Variants in RIMS2 observed in about 807,000 individuals in gnomAD.
RIMS2 encodes regulating synaptic membrane exocytosis protein 2.
Under a neutral mutation model 174.4 loss-of-function variants are expected in RIMS2, and 59 were observed. The observed-to-expected ratio is 0.34, with a 90% CI of 0.27 to 0.42. The LOEUF (loss-of-function observed/expected upper bound fraction) is 0.42. Ranked by LOEUF, RIMS2 falls within the 10% of genes least tolerant of loss-of-function variation. RIMS2 has a pLI of 1.00. For missense variants in RIMS2, 1,620 were observed against 1,666.3 expected, an observed-to-expected ratio of 0.97 and a Z score of 0.48; for synonymous variants, 606 against 572.5, an observed-to-expected ratio of 1.06 and a Z score of -0.84.
chr8:104,120,571 C>T (rs961015156), intron 19 of RIMS2, among the ~76,000 whole-genome samples: 2 of 151,698 alleles, frequency 1.3e-5, no homozygotes, highest in Non-Finnish European at 2.9e-5. Context: ...AACCTGTTAG[C>T]AAAAAAAGTT....
chr8:103,526,666 G>A (rs7824747), intron 1 of RIMS2, among the ~76,000 whole-genome samples: 26,758 of 152,080 alleles, frequency 0.18, 2,556 homozygotes, highest in African/African-American at 0.23. Context: ...CCCATTGAAT[G>A]TATTTAACAG....
chr8:103,796,058 T>C (rs1349166567), intron 3 of RIMS2, among the ~76,000 whole-genome samples: 1 of 152,126 alleles, frequency 6.6e-6, no homozygotes, highest in Non-Finnish European at 1.5e-5. Flanking sequence ...TTTTATAATA[T>C]GTACATATTT....
intron 19 of RIMS2, among the ~76,000 whole-genome samples, chr8:104,067,027 A>T (rs1043301411): frequency 1.3e-5 from 2 of 152,210 alleles, no homozygotes; most frequent in African/African-American, 2.4e-5. Context: ...TTAAAAATTT[A>T]AAAATATTGG....
chr8:104,021,103 T>C (rs1355788373), intron 19 of RIMS2, among the ~76,000 whole-genome samples: 2 of 152,098 alleles, frequency 1.3e-5, no homozygotes, highest in Non-Finnish European at 2.9e-5. Flanking sequence ...TAAGTAGTTT[T>C]ATGCTTCATT....
At chr8:103,755,224 G>A (rs3110456) in intron 2 of RIMS2, among the ~76,000 whole-genome samples, 118,911 of 152,128 alleles carry the variant, frequency 0.78, 46,818 homozygotes, top group East Asian at 0.88. Flanking sequence ...CTGGGTTGGA[G>A]AATCTTTTCT....
intron 3 of RIMS2, among the ~76,000 whole-genome samples, chr8:103,828,345 AT>A (rs766028452): frequency 2.0e-5 from 3 of 152,160 alleles, no homozygotes; most frequent in Non-Finnish European, 4.4e-5. Context: ...GAAAATCTTG[AT>A]AAAGTATTCA....
At chr8:103,631,595 A>G (rs2095922876) in intron 1 of RIMS2, among the ~76,000 whole-genome samples, 1 of 152,084 alleles carries the variant, frequency 6.6e-6, no homozygotes. Flanking sequence ...TTCACCTAGG[A>G]TTGCCTTGGC....
intron 1 of RIMS2, among the ~76,000 whole-genome samples, chr8:103,648,716 CT>C (rs2096392462): frequency 1.3e-5 from 2 of 151,982 alleles, no homozygotes; most frequent in South Asian, 4.1e-4. Flanking sequence ...CTTTTTTGAT[CT>C]TTGTTGGTTT....
chr8:103,518,524 T>G (rs1830103038), intron 1 of RIMS2, among the ~76,000 whole-genome samples: 1 of 151,992 alleles, frequency 6.6e-6, no homozygotes, highest in Admixed American at 6.6e-5. Context: ...TATATCTACA[T>G]CTATACTTTA....
At chr8:103,900,472 C>A (rs1418530669) in intron 4 of RIMS2, among the ~76,000 whole-genome samples, 1 of 152,032 alleles carries the variant, frequency 6.6e-6, no homozygotes, top group Non-Finnish European at 1.5e-5. Context: ...GGCCAAGGAA[C>A]TAATGTAGGG....
rs140465283 is a variant in RIMS2 at position 103,613,544 on chromosome 8, C to T, written c.177-83542C>T. Among the ~76,000 whole-genome samples the T allele has an allele frequency of 3.0e-4, 46 of 152,306 alleles. No homozygotes were observed. The East Asian group carries it at 8.5e-3, about 28-fold the overall frequency. On this transcript the variant is annotated intron_variant, in intron 1 of 23. Coordinates refer to ENST00000504942, the Ensembl canonical transcript of RIMS2. ...CCTCATGAACCTACTTATTGCTCTA[C>T]CCCACTGTGCCTGGACTGGTACCTA...
intron 3 of RIMS2, among the ~76,000 whole-genome samples, chr8:103,818,200 T>C (rs1243284800): frequency 6.6e-6 from 1 of 152,190 alleles, no homozygotes; most frequent in African/African-American, 2.4e-5. Context: ...TTTAAATGTC[T>C]ATTTACTGAT....
At chr8:103,656,645 A>C (rs1337807938) in intron 1 of RIMS2, among the ~76,000 whole-genome samples, 1 of 152,234 alleles carries the variant, frequency 6.6e-6, no homozygotes, top group Non-Finnish European at 1.5e-5. Context: ...TCTCATAACA[A>C]GAAAAATGCT....
chr8:103,630,875 A>AT (rs944888218), intron 1 of RIMS2, among the ~76,000 whole-genome samples: 6 of 151,886 alleles, frequency 4.0e-5, no homozygotes, highest in Non-Finnish European at 5.9e-5. Flanking sequence ...GAATTGAGCT[A>AT]TTTTTTTTAT....
At chr8:104,105,506 A>G (rs1260575966) in intron 19 of RIMS2, among the ~76,000 whole-genome samples, 2 of 152,140 alleles carry the variant, frequency 1.3e-5, no homozygotes, top group Non-Finnish European at 2.9e-5. Flanking sequence ...CTACTAACTG[A>G]TATTATTTCT....
At chr8:103,599,320 T>A (rs2094599892) in intron 1 of RIMS2, among the ~76,000 whole-genome samples, 1 of 150,996 alleles carries the variant, frequency 6.6e-6, no homozygotes, top group Non-Finnish European at 1.5e-5. Context: ...GTCCAAGGTA[T>A]CACAAGTAGT....
intron 1 of RIMS2, among the ~76,000 whole-genome samples, chr8:103,676,248 C>G (rs2096809775): frequency 6.6e-6 from 1 of 151,930 alleles, no homozygotes; most frequent in Non-Finnish European, 1.5e-5. Flanking sequence ...TTTATATAGA[C>G]TGTTAAATGC....
At chr8:103,954,006 A>G (rs1385008557) in intron 14 of RIMS2, among the ~76,000 whole-genome samples, 1 of 152,226 alleles carries the variant, frequency 6.6e-6, no homozygotes, top group Non-Finnish European at 1.5e-5. Flanking sequence ...AGAGACAAAG[A>G]AGGCCATTAC....
chr8:103,834,332 C>CTTTTTTTTTTTTTTTTTTT (rs397892077), intron 3 of RIMS2, among the ~76,000 whole-genome samples: 3 of 119,286 alleles, frequency 2.5e-5, no homozygotes, highest in East Asian at 2.5e-4. Flanking sequence ...TTTTCTTTTT[C>CTTTTTTTTTTTTTTTTTTT]TTTTTTTTTT....
Sources: gnomAD v4.1 joint callset for allele counts (sites outside exome capture counted in the v4.1 genomes callset) on GRCh38, gnomAD v4.1.1 for gene constraint, MANE v1.5 for transcripts, NCBI Gene and HGNC (gene_info 2026-07-23, HGNC 2026-07-21) for gene names.